RSU1: variants seen among roughly 807,000 people sequenced by gnomAD.
The protein encoded by RSU1 is Ras suppressor protein 1.
In RSU1, 26 loss-of-function variants were observed where a neutral mutation model predicts 31.1. The ratio of observed to expected loss-of-function variants is 0.84; its 90% CI spans 0.61 to 1.16. RSU1 has a LOEUF of 1.16. Ranked by LOEUF, RSU1 falls within the 50% of genes most tolerant of loss-of-function variation. RSU1 has a pLI of 0.00. For synonymous variants in RSU1, 164 were observed against 136.3 expected (o/e 1.20, Z -1.41); for missense variants, 320 against 339.1 (o/e 0.94, Z 0.44).
chr10:16,612,229 G>A (rs1157608066), intron 8 of RSU1, among the ~76,000 whole-genome samples: 7 of 152,192 alleles, frequency 4.6e-5, no homozygotes. Context: ...TCTTTCCAAA[G>A]AGATATATAT....
chr10:16,711,127 A>T (rs185524828), intron 7 of RSU1, among the ~76,000 whole-genome samples: 2 of 152,238 alleles, frequency 1.3e-5, no homozygotes, highest in South Asian at 2.1e-4. Flanking sequence ...TTTCTTTATA[A>T]TTGAATCTCA....
intron 7 of RSU1, among the ~76,000 whole-genome samples, chr10:16,709,737 T>C (rs1835979746): frequency 6.6e-6 from 1 of 152,226 alleles, no homozygotes; most frequent in African/African-American, 2.4e-5. Flanking sequence ...TGCATTTCTC[T>C]GATGGCCAGT....
At chr10:16,800,292 G>A (rs79550268) in intron 2 of RSU1, among the ~76,000 whole-genome samples, 8,644 of 152,230 alleles carry the variant, frequency 0.057, 330 homozygotes, top group African/African-American at 0.11. Flanking sequence ...ATCTGACTGC[G>A]ACTTTAAAAT....
At chr10:16,710,772 C>A (rs1435494088) in intron 7 of RSU1, among the ~76,000 whole-genome samples, 1 of 152,000 alleles carries the variant, frequency 6.6e-6, no homozygotes, top group Non-Finnish European at 1.5e-5. Flanking sequence ...AACCCATCAA[C>A]CCATCATCTA....
chr10:16,805,777 A>G (rs1488522380), intron 2 of RSU1, among the ~76,000 whole-genome samples: 1 of 152,004 alleles, frequency 6.6e-6, no homozygotes, highest in Non-Finnish European at 1.5e-5. Context: ...AGTATTGTTA[A>G]TTGCGTGTCA....
chr10:16,796,288 T>C (rs960385191), intron 2 of RSU1, among the ~76,000 whole-genome samples: 3 of 152,168 alleles, frequency 2.0e-5, no homozygotes, highest in African/African-American at 2.4e-5. Flanking sequence ...GTCACCTAGA[T>C]TGACATTGAT....
chr10:16,762,284 G>A (rs1837224076), intron 4 of RSU1, among the ~76,000 whole-genome samples: 1 of 149,542 alleles, frequency 6.7e-6, no homozygotes, highest in Non-Finnish European at 1.5e-5. Flanking sequence ...TGTTCCTAGT[G>A]ATTGAGATTT....
chr10:16,725,184 T>G lies in RSU1; in HGVS notation c.598+27355A>C, dbSNP rs1208892423. 9.2e-5 allele frequency among the ~76,000 whole-genome samples: 14 copies of G among 152,134 alleles called. 1 individual carries two copies. In the East Asian group the frequency reaches 1.9e-3, roughly 21 times the overall value. ...TACATGTACGATGCTTTAATAAATA[T>G]AGTAGAGATGGGAGAAGAGAGAGAG... On this transcript the variant is annotated intron_variant, in intron 7 of 8. Coordinates refer to ENST00000345264, the MANE Select transcript of RSU1 (RefSeq NM_012425.4).
intron 7 of RSU1, among the ~76,000 whole-genome samples, chr10:16,700,302 C>T (rs1835764157): frequency 6.6e-6 from 1 of 152,002 alleles, no homozygotes; most frequent in African/African-American, 2.4e-5. Context: ...CTCTCTCATT[C>T]ACTCATAAAT....
rs575802210 is a variant in RSU1 at position 16,671,296 on chromosome 10, G to C, written c.731+23727C>G. Among the ~76,000 whole-genome samples the C allele has an allele frequency of 2.0e-4, 31 of 152,086 alleles. No homozygotes were observed. The East Asian group carries it at 5.8e-3, about 29-fold the overall frequency. ...TGGGTTCAAGTGATCCTCCTGCCTT[G>C]TCCTCCCAAAGAGCTGGGATTACAG... is the stretch of plus-strand genomic sequence containing the variant. On this transcript the variant is annotated intron_variant, in intron 8 of 8. Coordinates refer to ENST00000345264, the MANE Select transcript of RSU1 (RefSeq NM_012425.4).
chr10:16,605,018 G>T (rs1352631213), intron 8 of RSU1, among the ~76,000 whole-genome samples: 2 of 152,238 alleles, frequency 1.3e-5, no homozygotes, highest in Non-Finnish European at 2.9e-5. Context: ...GACAAAGCAG[G>T]AGTGAGGGAC....
chr10:16,717,477 C>T (rs562320924), intron 7 of RSU1, among the ~76,000 whole-genome samples: 1 of 152,212 alleles, frequency 6.6e-6, no homozygotes, highest in South Asian at 2.1e-4. Flanking sequence ...CACTTGTTCT[C>T]AGGTTTAACA....
At chr10:16,719,858 A>G (rs372611394) in intron 7 of RSU1, among the ~76,000 whole-genome samples, 1 of 152,364 alleles carries the variant, frequency 6.6e-6, no homozygotes, top group South Asian at 2.1e-4. Flanking sequence ...CCTTAAATGA[A>G]TATCTAACAA....
rs180730732 is a variant in RSU1, at chr10:16,591,559, T to G, written c.*1835A>C. The G allele has an allele frequency of 6.8e-4, 104 of 152,348 alleles. No individual in the cohort carries two copies. Among genetic ancestry groups the G allele is most frequent in the African/African-American group, 2.4e-3 (101 of 41,578 alleles). 9.4% of individuals were successfully genotyped at this position (152,348 alleles called of 1,614,324 possible). A position where few individuals can be genotyped will look rare whatever the true frequency, so the allele number is the denominator to read the frequency against. On this transcript the variant is annotated 3_prime_UTR_variant, in exon 9 of 9. Transcript: ENST00000345264. ...CACTTAATACTGCCTTAAAAAATATTTGCACATTTCTCTTTGTTACACATG... is the reference window on the plus strand; with the variant it reads ...CACTTAATACTGCCTTAAAAAATATGTGCACATTTCTCTTTGTTACACATG...
chr10:16,800,309 G>T (rs1838125900), intron 2 of RSU1, among the ~76,000 whole-genome samples: 1 of 152,294 alleles, frequency 6.6e-6, no homozygotes, highest in East Asian at 1.9e-4. Flanking sequence ...AAATTAATAT[G>T]ATTGATATGC....
chr10:16,709,291 C>T (rs1835969623), intron 7 of RSU1, among the ~76,000 whole-genome samples: 1 of 152,052 alleles, frequency 6.6e-6, no homozygotes, highest in Admixed American at 6.6e-5. Context: ...TGATGATTTC[C>T]AATTTCATCC....
intron 7 of RSU1, among the ~76,000 whole-genome samples, chr10:16,750,281 C>A (rs1330726255): frequency 2.0e-5 from 3 of 152,096 alleles, no homozygotes; most frequent in African/African-American, 7.2e-5. Flanking sequence ...AGGTTTATCA[C>A]GTACTTACAA....
chr10:16,615,840 C>T (rs546175811), intron 8 of RSU1, among the ~76,000 whole-genome samples: 14 of 152,158 alleles, frequency 9.2e-5, no homozygotes, highest in Middle Eastern at 3.4e-3. Context: ...AACAAAGAGA[C>T]GACATATCAG....
chr10:16,633,799 G>T (rs1216117807), intron 8 of RSU1, among the ~76,000 whole-genome samples: 1 of 152,102 alleles, frequency 6.6e-6, no homozygotes, highest in Non-Finnish European at 1.5e-5. Context: ...TTCCAAAAAG[G>T]CAGTGACAAG....
Sources: gnomAD v4.1 joint callset for allele counts (sites outside exome capture counted in the v4.1 genomes callset) on GRCh38, gnomAD v4.1.1 for gene constraint, MANE v1.5 for transcripts, NCBI Gene and HGNC (gene_info 2026-07-23, HGNC 2026-07-21) for gene names.